The following FUT8 variants were observed in gnomAD, a reference collection of about 807,000 sequenced individuals.
FUT8 encodes alpha-(1,6)-fucosyltransferase.
FUT8 carries 29 observed loss-of-function variants against 71.3 expected under a neutral mutation model. The ratio of observed to expected loss-of-function variants is 0.41; its 90% confidence interval spans 0.30 to 0.55. FUT8 has a LOEUF of 0.55. FUT8 is among the 20% of genes least tolerant of loss of function. FUT8 has a pLI of 0.34. For synonymous variants in FUT8, 254 were observed against 239.3 expected (o/e 1.06, Z -0.57); for missense variants, 544 against 702.1 (o/e 0.77, Z 2.55).
At chr14:65,461,955 A>G (rs2065974874) in intron 2 of FUT8, among the ~76,000 whole-genome samples, 1 of 152,136 alleles carries the variant, frequency 6.6e-6, no homozygotes, top group Admixed American at 6.5e-5. Flanking sequence ...TGGTAGGGTG[A>G]TCTGGTTTCA....
chr14:65,578,982 G>A (rs1886937924), intron 3 of FUT8, among the ~76,000 whole-genome samples: 1 of 152,090 alleles, frequency 6.6e-6, no homozygotes, highest in South Asian at 2.1e-4. Flanking sequence ...AATAAGGTTG[G>A]TGAAAAACTG....
the FUT8 span, among the ~76,000 whole-genome samples, chr14:65,360,207 T>A: frequency 3.9e-5 from 6 of 152,354 alleles, no homozygotes; most frequent in Admixed American, 6.5e-5. Flanking sequence ...TTACAAATCA[T>A]GTTTCAAATC....
At chr14:65,424,067 C>T (rs1421847674) in intron 1 of FUT8, among the ~76,000 whole-genome samples, 6 of 152,172 alleles carry the variant, frequency 3.9e-5, no homozygotes, top group African/African-American at 1.4e-4. Context: ...GGGAGCACTT[C>T]CGGCATCACT....
At chr14:65,697,482 T>G (rs1894051573) in intron 7 of FUT8, among the ~76,000 whole-genome samples, 1 of 152,186 alleles carries the variant, frequency 6.6e-6, no homozygotes, top group Non-Finnish European at 1.5e-5. Flanking sequence ...TTGATAAAAC[T>G]CCAGTAGATT....
At chr14:65,539,160 A>G (rs747865541) in intron 2 of FUT8, among the ~76,000 whole-genome samples, 1 of 152,212 alleles carries the variant, frequency 6.6e-6, no homozygotes, top group Non-Finnish European at 1.5e-5. Flanking sequence ...TTGTTCTATT[A>G]TGGCTAAAAG....
upstream of FUT8, chr14:65,412,467 G>C (rs549187527): frequency 1.0e-4 from 42 of 401,708 alleles, no homozygotes; most frequent in South Asian, 7.4e-4. Flanking sequence ...TCAGCCTCCG[G>C]CCTTCAGGCG....
In FUT8 at chr14:65,669,604, C is replaced by T. The variant is rs919869724; in HGVS notation, c.835+124C>T. On this transcript the variant is annotated intron_variant, in intron 7 of 10. Transcript: ENST00000673929. The surrounding 1 kb of genome is among the most constrained non-coding windows in gnomAD (Gnocchi z 4.5). The stretch of plus-strand genomic sequence containing the variant: ...TTCCTCTGGATCCATGAATACTATA[C>T]ATTATCCAGATAAAATCTAGAAGAA... 4.3e-5 allele frequency: 26 copies of T among 602,862 alleles called. No individual in the cohort carries two copies. Among genetic ancestry groups the T allele is most frequent in the Admixed American group, 1.2e-4 (4 of 34,132 alleles). The allele number at this position is 602,862 out of a possible 1,614,324, so 37.3% of individuals were successfully genotyped here. A position where few individuals can be genotyped will look rare whatever the true frequency, so the allele number is the denominator to read the frequency against.
the FUT8 span, among the ~76,000 whole-genome samples, chr14:65,401,528 T>C: frequency 6.6e-6 from 1 of 152,138 alleles, no homozygotes; most frequent in African/African-American, 2.4e-5. Context: ...CAAGTTAAGA[T>C]AGTATCTATG....
chr14:65,536,076 G>C (rs1374835421), intron 2 of FUT8, among the ~76,000 whole-genome samples: 2 of 151,868 alleles, frequency 1.3e-5, no homozygotes, highest in Non-Finnish European at 2.9e-5. Context: ...CTTAAAATCT[G>C]TTTTTTTCTG....
At chr14:65,694,571 C>CTGCT (rs1893885100) in intron 7 of FUT8, among the ~76,000 whole-genome samples, 1 of 152,126 alleles carries the variant, frequency 6.6e-6, no homozygotes, top group African/African-American at 2.4e-5. Flanking sequence ...ATAAATCATG[C>CTGCT]TGCTATAAAG....
In FUT8 at chr14:65,449,460, C is replaced by T. The variant is rs536286135; in HGVS notation, c.-325-6161C>T. Among the ~76,000 whole-genome samples the T allele has an allele frequency of 5.9e-5, 9 of 152,282 alleles. No individual in the cohort carries two copies. In the South Asian group the frequency reaches 1.9e-3, roughly 32 times the overall value. ...TGCCAAAACAGAAAGAATGCGGCTT[C>T]CGTTGATATACTGGAGTCACTTAGA... is the stretch of plus-strand genomic sequence containing the variant. On this transcript the variant is annotated intron_variant, in intron 1 of 10. Coordinates refer to ENST00000673929, the MANE Select transcript of FUT8 (RefSeq NM_001371533.1).
the FUT8 span, among the ~76,000 whole-genome samples, chr14:65,360,454 C>T: frequency 2.0e-5 from 3 of 152,198 alleles, no homozygotes; most frequent in Non-Finnish European, 2.9e-5. Flanking sequence ...TTTAAATCAA[C>T]CTAAAGCATT....
rs1207147862 is a variant in FUT8, at chr14:65,611,184, TACAC to T, written c.204-4783_204-4780del. ...TTAAGTTGTTACATTTTAAGTGTCATACACACACACACACGCGCGCGCGCGCGCG... is the reference window on the plus strand; with the variant it reads ...TTAAGTTGTTACATTTTAAGTGTCATACACACACACGCGCGCGCGCGCGCG... On this transcript the variant is annotated intron_variant, in intron 3 of 10. Transcript: ENST00000673929. Among the ~76,000 whole-genome samples, 14 of 103,634 alleles carry T rather than the reference TACAC, an allele frequency of 1.4e-4. 1 individual carries two copies. Among genetic ancestry groups the T allele is most frequent in the South Asian group, 6.0e-4 (2 of 3,316 alleles). 68.0% of individuals were successfully genotyped at this position (103,634 alleles called of 152,430 possible).
chr14:65,557,574 A>G (rs1004359854), intron 2 of FUT8, among the ~76,000 whole-genome samples: 1 of 148,092 alleles, frequency 6.8e-6, no homozygotes, highest in African/African-American at 2.5e-5. Context: ...CTTGTGATCC[A>G]CCCGCCTCAG....
chr14:65,414,897 G>A (rs1410109828), intron 1 of FUT8, among the ~76,000 whole-genome samples: 5 of 152,038 alleles, frequency 3.3e-5, no homozygotes, highest in African/African-American at 7.2e-5. Flanking sequence ...CATAAAGTAC[G>A]GCCTTATATA....
intron 1 of FUT8, among the ~76,000 whole-genome samples, chr14:65,429,504 C>CAAATCAAA (rs1377445978): frequency 1.3e-5 from 2 of 152,150 alleles, no homozygotes; most frequent in African/African-American, 2.4e-5. Flanking sequence ...CAAATATCTC[C>CAAATCAAA]AAATCAAAAC....
intron 2 of FUT8, among the ~76,000 whole-genome samples, chr14:65,480,007 T>G (rs1240010663): frequency 6.6e-6 from 1 of 152,164 alleles, no homozygotes; most frequent in East Asian, 1.9e-4. Context: ...AACTTCTTAC[T>G]ATGATTGGTT....
At chr14:65,478,079 A>G (rs1410251946) in intron 2 of FUT8, among the ~76,000 whole-genome samples, 2 of 152,048 alleles carry the variant, frequency 1.3e-5, no homozygotes, top group African/African-American at 4.8e-5. Flanking sequence ...ATAGTCATTT[A>G]ATTGATTTTT....
At chr14:65,535,062 T>C (rs1022376442) in intron 2 of FUT8, among the ~76,000 whole-genome samples, 18 of 150,886 alleles carry the variant, frequency 1.2e-4, no homozygotes, top group Non-Finnish European at 2.1e-4. Context: ...TATACATATG[T>C]ATATAAATGC....
Sources: gnomAD v4.1 joint callset for allele counts (sites outside exome capture counted in the v4.1 genomes callset) on GRCh38, gnomAD v4.1.1 for gene constraint, Gnocchi (gnomAD v3.1) non-coding constraint, MANE v1.5 for transcripts, NCBI Gene and HGNC (gene_info 2026-07-23, HGNC 2026-07-21) for gene names.